The following CFAP53 variants were observed in gnomAD, a reference collection of about 807,000 sequenced individuals.
The protein encoded by CFAP53 is cilia and flagella associated protein 53, also known as cilia- and flagella-associated protein 53.
In CFAP53, 62 loss-of-function variants were observed where a neutral mutation model predicts 59.7. That is an observed-to-expected ratio of 1.04 (90% CI 0.85 to 1.28). The LOEUF (loss-of-function observed/expected upper bound fraction) is 1.28, where lower values mean the gene tolerates loss of function less well. CFAP53 is among the 50% of genes most tolerant of loss of function. The pLI is 0.00. For synonymous variants in CFAP53, 218 were observed against 205.7 expected (o/e 1.06, Z -0.51); for missense variants, 629 against 615.6 (o/e 1.02, Z -0.23).
At chr18:50,262,325 T>G (rs2033901772) in intron 1 of CFAP53, 106 bp from the exon 2 acceptor site, 1 of 867,750 alleles carries the variant, frequency 1.2e-6, no homozygotes, top group Admixed American at 2.4e-5. Flanking sequence ...AAATTGGGTA[T>G]AAAAAACTAA....
intron 3 of CFAP53, among the ~76,000 whole-genome samples, chr18:50,252,260 C>A (rs903983186): frequency 6.6e-6 from 1 of 152,098 alleles, no homozygotes; most frequent in Non-Finnish European, 1.5e-5. Context: ...ACCACCACCA[C>A]GCCTGGCTAA....
At chr18:50,234,274 G>A (rs1047350695) in intron 7 of CFAP53, among the ~76,000 whole-genome samples, 4 of 152,150 alleles carry the variant, frequency 2.6e-5, no homozygotes. Flanking sequence ...CAGCTACTGG[G>A]ATAGAATATA....
At chr18:50,237,351 T>TATATATATATATATAC (rs67836600) in intron 7 of CFAP53, among the ~76,000 whole-genome samples, 205 of 16,304 alleles carry the variant, frequency 0.013, 36 homozygotes, top group Non-Finnish European at 0.017. Context: ...TATATATATA[T>TATATATATATATATAC]ACGCACACAT....
chr18:50,263,103 G>C (rs975037523), intron 1 of CFAP53, among the ~76,000 whole-genome samples: 1 of 152,120 alleles, frequency 6.6e-6, no homozygotes, highest in Non-Finnish European at 1.5e-5. Context: ...GCCTACTACA[G>C]TGAGGTCCTC....
intron 7 of CFAP53, among the ~76,000 whole-genome samples, chr18:50,231,622 T>G (rs2033584618): frequency 6.6e-6 from 1 of 152,188 alleles, no homozygotes; most frequent in Non-Finnish European, 1.5e-5. Flanking sequence ...GCTTTTAGTA[T>G]CTCTTTGGCA....
At chr18:50,235,048 A>T (rs539797863) in intron 7 of CFAP53, among the ~76,000 whole-genome samples, 14 of 152,274 alleles carry the variant, frequency 9.2e-5, no homozygotes, top group Admixed American at 6.5e-4. Flanking sequence ...GATGTGCTTA[A>T]CGCTGAGGCA....
chr18:50,262,783 G>A (rs1182070612), intron 1 of CFAP53, among the ~76,000 whole-genome samples: 3 of 151,986 alleles, frequency 2.0e-5, no homozygotes, highest in African/African-American at 4.8e-5. Flanking sequence ...GATATATAAC[G>A]AGTTGTGATA....
At position 50,251,761 on chromosome 18, in the gene CFAP53, A is replaced by T; in HGVS notation, c.497T>A (p.Val166Asp). 6.2e-7 allele frequency: 1 copy of T among 1,614,018 alleles called. No individual in the cohort carries two copies. Residue 166 changes from valine (V) to aspartate (D), a missense_variant, in exon 4 of 8, where the codon GTT becomes GAT. Physicochemically the swap from Val to Asp is radical, Grantham distance 152. Coordinates refer to ENST00000398545, the MANE Select transcript of CFAP53 (RefSeq NM_145020.5). ...QFRERCEELR[V>D]ELLSIHQKKV... is the part of the protein sequence containing the mutation. Reference sequence around the variant, plus strand: ...CTTCTGATGGATAGATAACAATTCAACACGGAGCTCCTCACAGCGTTCCCT... The same window carrying T: ...CTTCTGATGGATAGATAACAATTCATCACGGAGCTCCTCACAGCGTTCCCT...
chr18:50,265,248 AT>A (rs1278432260), intron 1 of CFAP53, among the ~76,000 whole-genome samples: 1 of 152,140 alleles, frequency 6.6e-6, no homozygotes, highest in Non-Finnish European at 1.5e-5. Context: ...TAAGTGGAAA[AT>A]TTCACACCTG....
chr18:50,227,955 C>CCTTTTT (rs2033541924), intron 7 of CFAP53, among the ~76,000 whole-genome samples: 3 of 90,088 alleles, frequency 3.3e-5, no homozygotes, highest in African/African-American at 8.8e-5. Context: ...AACTTTTCTC[C>CCTTTTT]TTTTTTTTTT....
intron 1 of CFAP53, among the ~76,000 whole-genome samples, chr18:50,263,221 C>G (rs774928885): frequency 2.0e-5 from 3 of 152,112 alleles, no homozygotes; most frequent in Non-Finnish European, 4.4e-5. Context: ...TAGTCTTGAG[C>G]TTTGTATTTT....
chr18:50,261,092 C>T lies in CFAP53; in HGVS notation c.445G>A (p.Val149Met), dbSNP rs1009495721. ...EKNEKERQDF[V>M]AEKLDQQFRE... is the part of the protein sequence containing the mutation. ...AATTGCTGGTCTAGCTTTTCAGCCA[C>T]AAAATCCTGCCTCTCTTTTTCATTC... Residue 149 changes from valine to methionine, a missense_variant, in exon 3 of 8, where the codon GTG (valine) becomes ATG (methionine). Physicochemically the swap from Val to Met is conservative, Grantham distance 21 (BLOSUM62 1). Transcript: ENST00000398545. 1 of 1,599,072 alleles carries T rather than the reference C, an allele frequency of 6.3e-7. No homozygotes were observed. Among genetic ancestry groups the T allele is most frequent in the Non-Finnish European group, 8.5e-7 (1 of 1,176,508 alleles).
intron 7 of CFAP53, among the ~76,000 whole-genome samples, chr18:50,235,019 G>C (rs1819932209): frequency 6.6e-6 from 1 of 152,234 alleles, no homozygotes; most frequent in South Asian, 2.1e-4. Flanking sequence ...GGGTTGTCTT[G>C]CAAAACTGAT....
rs754124347 is a variant in CFAP53, at chr18:50,261,197, T to TAAA, written c.337_339dup (p.Phe113dup). On this transcript the variant is annotated inframe_insertion, in exon 3 of 8. Transcript: ENST00000398545. ...GTTTCTTTCTTCAATTGCATTTCTG[T>TAAA]AAAATACTCATTTTCTTCTAATGCT... is the stretch of plus-strand genomic sequence containing the variant. 1.2e-5 allele frequency: 18 copies of TAAA among 1,543,462 alleles called. No individual in the cohort carries two copies. In the African/African-American group the frequency reaches 2.6e-4, roughly 22 times the overall value.
chr18:50,249,034 C>T (rs1487026975), intron 5 of CFAP53, among the ~76,000 whole-genome samples: 3 of 151,354 alleles, frequency 2.0e-5, no homozygotes, highest in African/African-American at 4.9e-5. Flanking sequence ...GAAACGCTGT[C>T]TCTACTAAAA....
In CFAP53 at chr18:50,266,416, CTTCGGGACG is replaced by C. The variant is rs755273773; in HGVS notation, c.-21_-13del. 1.1e-5 allele frequency: 18 copies of C among 1,614,150 alleles called. No homozygotes were observed. Among genetic ancestry groups the C allele is most frequent in the Admixed American group, 8.3e-5 (5 of 60,034 alleles). ...CGCTGGCTGTACATTTTCGAGTCCC[CTTCGGGACG>C]GGGGCGGCGTCCGCCGCGTTTCCCC... On this transcript the variant is annotated 5_prime_UTR_variant, in exon 1 of 8. Transcript: ENST00000398545.
chr18:50,243,304 T>C (rs2033711438), intron 5 of CFAP53, among the ~76,000 whole-genome samples, 188 bp from the exon 6 acceptor site: 1 of 152,184 alleles, frequency 6.6e-6, no homozygotes, highest in African/African-American at 2.4e-5. Flanking sequence ...GGTAGGGATA[T>C]AGAAGAGACA....
At chr18:50,262,906 T>C (rs2033908930) in intron 1 of CFAP53, among the ~76,000 whole-genome samples, 1 of 152,148 alleles carries the variant, frequency 6.6e-6, no homozygotes, top group Non-Finnish European at 1.5e-5. Context: ...GCCCAGAAGT[T>C]TTAATGCAAA....
Position 50,227,549 on chromosome 18 carries a change from C to T in CFAP53, c.1377G>A (p.Gln459=). ...KQLQMQIAYQ[Q]QSQEAEKEEK... ...CTTCCTTCTCTGCTTCTTGGGACTGCTGCTGGTAGGCGATTTGCATCTGAA... is the reference window on the plus strand; with the variant it reads ...CTTCCTTCTCTGCTTCTTGGGACTGTTGCTGGTAGGCGATTTGCATCTGAA... Residue 459 remains glutamine (Q), a synonymous_variant, in exon 8 of 8, where the codon CAG becomes CAA. Transcript: ENST00000398545. 6.2e-7 allele frequency: 1 copy of T among 1,614,168 alleles called. No homozygotes were observed. The highest frequency in any genetic ancestry group is 1.1e-5 in the South Asian group (1 of 91,090).
Sources: gnomAD v4.1 joint callset for allele counts (sites outside exome capture counted in the v4.1 genomes callset) on GRCh38, gnomAD v4.1.1 for gene constraint, MANE v1.5 for transcripts, NCBI Gene and HGNC (gene_info 2026-07-23, HGNC 2026-07-21) for gene names.